The following DSC1 variants were observed in gnomAD, a reference collection of about 807,000 sequenced individuals.
The protein encoded by DSC1 is desmocollin-1.
In DSC1, 79 loss-of-function variants were observed where a neutral mutation model predicts 98.8. That is an observed-to-expected ratio of 0.80 (90% CI 0.67 to 0.96). The LOEUF is 0.96. DSC1 is among the 50% of genes least tolerant of loss of function. The pLI, the probability that DSC1 is intolerant of heterozygous loss-of-function variation, is 0.00. For synonymous variants in DSC1, 405 were observed against 372.1 expected, an observed-to-expected ratio of 1.09 and a Z score of -1.02; for missense variants, 1,115 against 1,075.9, an observed-to-expected ratio of 1.04 and a Z score of -0.51.
In DSC1 at chr18:31,131,819, C is replaced by T. The variant is rs1272047536; in HGVS notation, c.2262G>A (p.Met754Ile). ...EVTEANIRLP[M>I]QTSNICDTSM... ...TTGTGTCACAAATGTTGGATGTCTG[C>T]ATGGGGAGTCTAATATTTGCTTCCT... The change falls in exon 15 of 16, where the codon ATG becomes ATA. Residue 754 changes from methionine (M) to isoleucine (I), a missense_variant. Met to Ile is a conservative substitution (Grantham distance 10, BLOSUM62 1). Transcript: ENST00000257198. 1 of 1,614,040 alleles carries T rather than the reference C, an allele frequency of 6.2e-7. No homozygotes were observed. The highest frequency in any genetic ancestry group is 1.1e-5 in the South Asian group (1 of 91,078).
rs769033829 is a variant in DSC1 at position 31,148,501 on chromosome 18, A to T, written c.769T>A (p.Ser257Thr). 5 of 1,596,042 alleles carry T rather than the reference A, an allele frequency of 3.1e-6. No individual in the cohort carries two copies. The East Asian group carries it at 6.7e-5, about 21-fold the overall frequency. Residue 257 changes from serine to threonine, a missense_variant, in exon 6 of 16, where the codon TCC becomes ACC. Coordinates refer to ENST00000257198, the MANE Select transcript of DSC1 (RefSeq NM_024421.2). The part of the protein sequence containing the change: ...TIFTVPENCR[S>T]GTSVGKVTAT... ...CTACAATAAAATGTGAACTTACCGG[A>T]TCGGCAATTTTCAGGCACAGTAAAG... is the stretch of plus-strand genomic sequence containing the variant.
At chr18:31,155,716 A>G (rs2851999) in intron 4 of DSC1, among the ~76,000 whole-genome samples, 86,882 of 152,088 alleles carry the variant, frequency 0.57, 25,049 homozygotes, top group East Asian at 0.66. Flanking sequence ...TTAAGCAAGA[A>G]TTGAACTATG....
chr18:31,136,085 A>T (rs562135877), intron 11 of DSC1, among the ~76,000 whole-genome samples: 67 of 152,088 alleles, frequency 4.4e-4, no homozygotes, highest in African/African-American at 1.6e-3. Flanking sequence ...TTTTAAAACT[A>T]CCTGAACAAA....
At chr18:31,131,354 T>G (rs894311730) in intron 15 of DSC1, 28 of 537,998 alleles carry the variant, frequency 5.2e-5, no homozygotes, top group Non-Finnish European at 8.4e-5. Flanking sequence ...CTTTTATCCT[T>G]TGTAAACACA....
chr18:31,156,964 CT>C (rs1244169727), intron 3 of DSC1, among the ~76,000 whole-genome samples: 3 of 152,282 alleles, frequency 2.0e-5, no homozygotes, highest in South Asian at 2.1e-4. Context: ...CTCTTCTCCT[CT>C]TTAAAGAGAG....
chr18:31,152,216 T>A (rs1365438581), intron 5 of DSC1, among the ~76,000 whole-genome samples: 3 of 151,600 alleles, frequency 2.0e-5, no homozygotes, highest in Non-Finnish European at 4.4e-5. Context: ...TCTGGTTGAA[T>A]AGGAATAGGT....
Position 31,159,545 on chromosome 18 carries a change from A to G in DSC1, c.64-16T>C, listed in dbSNP as rs1484011071. On this transcript the variant is annotated splice_polypyrimidine_tract_variant and intron_variant, in intron 1 of 15. Coordinates refer to ENST00000257198, the MANE Select transcript of DSC1 (RefSeq NM_024421.2). ...ATGTTAAAACCTCAAAAAAAAAAAA[A>G]GAAAAAATATCAGGAATTAAATTTG... 2.5e-6 allele frequency: 4 copies of G among 1,578,320 alleles called. No individual in the cohort carries two copies. Among genetic ancestry groups the G allele is most frequent in the Non-Finnish European group, 3.4e-6 (4 of 1,165,080 alleles).
Position 31,129,952 on chromosome 18 carries a change from G to T in DSC1, c.*562C>A, listed in dbSNP as rs1988448418. The T allele has an allele frequency of 6.5e-6, 1 of 152,840 alleles. No individual in the cohort carries two copies. The highest frequency in any genetic ancestry group is 1.9e-4 in the East Asian group (1 of 5,206). 9.5% of individuals were successfully genotyped at this position (152,840 alleles called of 1,614,324 possible). On this transcript the variant is annotated 3_prime_UTR_variant, in exon 16 of 16. Transcript: ENST00000257198. ...AAGGATCCTGAAAGAAAACAATGCT[G>T]GGAGCACTGCTCTGAGGAGTACAAA...
intron 4 of DSC1, among the ~76,000 whole-genome samples, chr18:31,155,385 T>G (rs1466814699): frequency 6.6e-6 from 1 of 152,094 alleles, no homozygotes; most frequent in Non-Finnish European, 1.5e-5. Context: ...ATCCCAGCAC[T>G]TTGGGAGGCC....
At chr18:31,132,762 T>C in intron 13 of DSC1, 73 bp from the exon 14 acceptor site, 1 of 1,404,310 alleles carries the variant, frequency 7.1e-7, no homozygotes, top group South Asian at 1.4e-5. Flanking sequence ...TAAAGTCTTC[T>C]TGCATATGTC....
chr18:31,145,115 G>T (rs1321707966), intron 7 of DSC1, among the ~76,000 whole-genome samples: 1 of 151,600 alleles, frequency 6.6e-6, no homozygotes, highest in Non-Finnish European at 1.5e-5. Context: ...AATTTCTTTG[G>T]ATTTTTTTGG....
At chr18:31,158,357 T>A (rs1814027431) in intron 2 of DSC1, among the ~76,000 whole-genome samples, 1 of 152,182 alleles carries the variant, frequency 6.6e-6, no homozygotes. Context: ...TCTTTCAAGG[T>A]TTAGTAAACC....
intron 6 of DSC1, 75 bp from the exon 7 acceptor site, chr18:31,145,852 A>T: frequency 6.7e-7 from 1 of 1,488,522 alleles, no homozygotes; most frequent in Non-Finnish European, 9.1e-7. Context: ...AAATCAAGGC[A>T]TTGCTGTAGC....
At chr18:31,161,969 A>C (rs1183181568) in intron 1 of DSC1, among the ~76,000 whole-genome samples, 2 of 152,180 alleles carry the variant, frequency 1.3e-5, no homozygotes, top group Non-Finnish European at 2.9e-5. Flanking sequence ...AGCACCTTAC[A>C]CAGTTACAAA....
At chr18:31,143,498 T>C (rs965721453) in intron 8 of DSC1, among the ~76,000 whole-genome samples, 159 bp downstream of exon 8, 1 of 152,210 alleles carries the variant, frequency 6.6e-6, no homozygotes, top group Admixed American at 6.5e-5. Flanking sequence ...ACTTCAATTA[T>C]TTGTACAGAA....
chr18:31,160,947 T>G (rs951418214), intron 1 of DSC1, among the ~76,000 whole-genome samples: 1 of 152,096 alleles, frequency 6.6e-6, no homozygotes, highest in African/African-American at 2.4e-5. Flanking sequence ...CGTTAGGTGA[T>G]TTCATCCTTG....
chr18:31,155,328 C>T (rs1461132952), intron 4 of DSC1, among the ~76,000 whole-genome samples: 4 of 151,952 alleles, frequency 2.6e-5, no homozygotes, highest in South Asian at 4.1e-4. Context: ...CAATTAATTC[C>T]TCAAGAATTA....
intron 12 of DSC1, 151 bp from the exon 13 acceptor site, chr18:31,134,281 A>G: frequency 9.3e-7 from 1 of 1,080,280 alleles, no homozygotes; most frequent in South Asian, 1.7e-5. Context: ...CAGAAGAGCC[A>G]GAAAAGTAAT....
intron 11 of DSC1, among the ~76,000 whole-genome samples, chr18:31,135,331 C>G (rs887439354): frequency 6.6e-6 from 1 of 152,122 alleles, no homozygotes; most frequent in Non-Finnish European, 1.5e-5. Context: ...ATGTCACGTC[C>G]TCATGAAACT....
Sources: allele counts gnomAD v4.1 joint callset (sites outside exome capture counted in the v4.1 genomes callset), GRCh38; gene constraint gnomAD v4.1.1; transcripts MANE v1.5; gene names NCBI Gene and HGNC (gene_info 2026-07-23, HGNC 2026-07-21).